PTPN3: variants seen among roughly 807,000 people sequenced by gnomAD.
PTPN3 encodes the protein protein tyrosine phosphatase non-receptor type 3, also known as tyrosine-protein phosphatase non-receptor type 3.
In PTPN3, 96 loss-of-function variants were observed where a neutral mutation model predicts 132.7. The observed-to-expected ratio is 0.72, with a 90% CI of 0.61 to 0.86. The LOEUF is 0.86. PTPN3 is among the 40% of genes least tolerant of loss of function. The probability of loss-of-function intolerance (pLI) is 0.00; values close to 1 mark genes in which losing one functional copy is unlikely to be tolerated. For missense variants in PTPN3, 1,125 were observed against 1,159.6 expected, an observed-to-expected ratio of 0.97 and a Z score of 0.43; for synonymous variants, 398 against 429.0, an observed-to-expected ratio of 0.93 and a Z score of 0.89.
chr9:109,422,240 TCTTAAGTTGGCCTGCTA>T (rs1842931394), intron 13 of PTPN3, among the ~76,000 whole-genome samples: 1 of 152,212 alleles, frequency 6.6e-6, no homozygotes, highest in African/African-American at 2.4e-5. Context: ...GAGTCCATCC[TCTTAAGTTGGCCTGCTA>T]CTTACTGATG....
the PTPN3 span, among the ~76,000 whole-genome samples, chr9:109,510,575 A>T: frequency 4.8e-5 from 2 of 41,502 alleles, no homozygotes; most frequent in Non-Finnish European, 1.1e-4. Flanking sequence ...AAAAAAAAAA[A>T]AATATATATA....
chr9:109,535,641 G>C, the PTPN3 span, among the ~76,000 whole-genome samples: 1 of 151,988 alleles, frequency 6.6e-6, no homozygotes, highest in African/African-American at 2.4e-5. Context: ...TGAGTAGCTG[G>C]GACTATAGGT....
At chr9:109,495,782 T>C (rs1293512399) in intron 1 of PTPN3, among the ~76,000 whole-genome samples, 3 of 152,198 alleles carry the variant, frequency 2.0e-5, no homozygotes, top group African/African-American at 4.8e-5. Context: ...GTATCTTCTG[T>C]ATGATAAAAG....
intron 19 of PTPN3, among the ~76,000 whole-genome samples, chr9:109,395,185 T>C (rs2131661268): frequency 6.6e-6 from 1 of 150,686 alleles, no homozygotes; most frequent in South Asian, 2.1e-4. Flanking sequence ...CTGAAGGGGA[T>C]AGGAGTCAGG....
chr9:109,451,282 G>C (rs757412073), intron 5 of PTPN3: 5 of 985,124 alleles, frequency 5.1e-6, no homozygotes, highest in Non-Finnish European at 6.0e-6. Context: ...AAGAGTTATG[G>C]GGGTGGCTCC....
chr9:109,415,036 G>GTCCGTCCGTCCGTCCGTCCGTCCA (rs1564413380), intron 14 of PTPN3, among the ~76,000 whole-genome samples: 2 of 145,696 alleles, frequency 1.4e-5, no homozygotes, highest in Non-Finnish European at 3.0e-5. Context: ...CCGTCTGTCC[G>GTCCGTCCGTCCGTCCGTCCGTCCA]TCCGTCCGTC....
chr9:109,419,117 A>G (rs1588385063), intron 14 of PTPN3, among the ~76,000 whole-genome samples: 1 of 152,372 alleles, frequency 6.6e-6, no homozygotes, highest in South Asian at 2.1e-4. Flanking sequence ...AGTTGGAACA[A>G]GAGATAGCAA....
the PTPN3 span, among the ~76,000 whole-genome samples, chr9:109,505,446 T>C: frequency 6.6e-6 from 1 of 151,916 alleles, no homozygotes; most frequent in South Asian, 2.1e-4. Context: ...CTAATTTTTT[T>C]TGTTTGTGTC....
intron 2 of PTPN3, among the ~76,000 whole-genome samples, chr9:109,460,990 C>T (rs560606478): frequency 6.6e-6 from 1 of 152,284 alleles, no homozygotes; most frequent in East Asian, 1.9e-4. Context: ...GGTTAAAGAA[C>T]AGCTCCAAGA....
intron 7 of PTPN3, among the ~76,000 whole-genome samples, chr9:109,444,545 T>A (rs968070612): frequency 9.9e-5 from 15 of 152,166 alleles, no homozygotes; most frequent in Non-Finnish European, 2.1e-4. Context: ...ATAAAAAAAA[T>A]GTAAAATATC....
intron 7 of PTPN3, among the ~76,000 whole-genome samples, chr9:109,441,245 C>G (rs560424573): frequency 1.3e-5 from 2 of 152,296 alleles, no homozygotes; most frequent in African/African-American, 4.8e-5. Flanking sequence ...TGGGAAATAC[C>G]TTGTCATTTT....
chr9:109,383,325 C>G (rs59979489), intron 23 of PTPN3, 98 bp downstream of exon 23: 59,262 of 1,597,048 alleles, frequency 0.037, 1,682 homozygotes, highest in East Asian at 0.15. Context: ...TTGCCAGGTG[C>G]AAACAGAGTG....
At chr9:109,468,417 A>G (rs1846208527) in intron 1 of PTPN3, among the ~76,000 whole-genome samples, 1 of 151,674 alleles carries the variant, frequency 6.6e-6, no homozygotes, top group East Asian at 1.9e-4. Context: ...CCCAGGCTGG[A>G]GTACAGTGGC....
At chr9:109,461,805 A>G (rs1379921573) in intron 2 of PTPN3, among the ~76,000 whole-genome samples, 1 of 152,084 alleles carries the variant, frequency 6.6e-6, no homozygotes. Context: ...CAAATGTCCA[A>G]TTGCCACATG....
rs79440803 is a variant in PTPN3, at chr9:109,381,339, A to T, written c.2664+313T>A. ...GTAGGGTCATATGCAACATCCACTG[A>T]GCCAAAAGGAGTACCCAGGTCTAGG... On this transcript the variant is annotated intron_variant, in intron 25 of 25. Transcript: ENST00000374541. 9.2e-4 allele frequency among the ~76,000 whole-genome samples: 140 copies of T among 152,304 alleles called. 3 individuals carry two copies. In the East Asian group the frequency reaches 0.025, roughly 27 times the overall value.
chr9:109,529,432 C>T, the PTPN3 span, among the ~76,000 whole-genome samples: 2 of 151,708 alleles, frequency 1.3e-5, no homozygotes, highest in Non-Finnish European at 2.9e-5. Flanking sequence ...CGAGAGAGTG[C>T]CCCAGTTAAT....
At chr9:109,411,078 C>T (rs1185996379) in intron 14 of PTPN3, among the ~76,000 whole-genome samples, 4 of 152,168 alleles carry the variant, frequency 2.6e-5, no homozygotes, top group African/African-American at 7.2e-5. Flanking sequence ...AGAAACCAGC[C>T]ATACTTCACA....
intron 10 of PTPN3, chr9:109,429,125 AT>A: frequency 1.1e-6 from 1 of 900,786 alleles, no homozygotes; most frequent in Non-Finnish European, 1.3e-6. Context: ...AGATAACAGA[AT>A]TTAGTCACCA....
chr9:109,378,483 T>G lies in PTPN3; in HGVS notation c.*1073A>C, dbSNP rs1424393228. On this transcript the variant is annotated 3_prime_UTR_variant, in exon 26 of 26. Coordinates refer to ENST00000374541, the MANE Select transcript of PTPN3 (RefSeq NM_002829.4). ...CACATTTGTTCTTCCATACAGAGACTCATTCTTTATATATACTCAACGGTA... is the reference window on the plus strand; with the variant it reads ...CACATTTGTTCTTCCATACAGAGACGCATTCTTTATATATACTCAACGGTA... 6.6e-6 allele frequency: 1 copy of G among 152,610 alleles called. No homozygotes were observed. Among genetic ancestry groups the G allele is most frequent in the African/African-American group, 2.4e-5 (1 of 41,426 alleles). 9.5% of individuals were successfully genotyped at this position (152,610 alleles called of 1,614,324 possible).
Sources: allele counts gnomAD v4.1 joint callset (sites outside exome capture counted in the v4.1 genomes callset), GRCh38; gene constraint gnomAD v4.1.1; transcripts MANE v1.5; gene names NCBI Gene and HGNC (gene_info 2026-07-23, HGNC 2026-07-21).